Variants in MARCHF1 observed in about 807,000 individuals in gnomAD.
MARCHF1 encodes E3 ubiquitin-protein ligase MARCHF1.
A neutral mutation model predicts 54.2 loss-of-function variants in MARCHF1; 40 were observed. The ratio of observed to expected loss-of-function variants is 0.74; its 90% CI spans 0.57 to 0.96. The LOEUF is 0.96. Among genes scored for constraint, MARCHF1 ranks in the 40% least tolerant of loss-of-function variants. The probability of loss-of-function intolerance (pLI) is 0.00; values close to 1 mark genes in which losing one functional copy is unlikely to be tolerated. For missense variants in MARCHF1, 586 were observed against 656.5 expected (o/e 0.89, Z 1.17); for synonymous variants, 236 against 236.3 (o/e 1.00, Z 0.01).
At position 163,528,731 on chromosome 4, in the gene MARCHF1, A is replaced by C. The variant is rs1027863779; in HGVS notation, c.*17T>G. The stretch of plus-strand genomic sequence containing the variant: ...TAGAAAGATATTCTTCGGTGAAGAA[A>C]CTCCCAACAGGTTCCATCAGACTGA... On this transcript the variant is annotated 3_prime_UTR_variant, in exon 10 of 10. Coordinates refer to ENST00000514618, the MANE Select transcript of MARCHF1 (RefSeq NM_001394959.1). The C allele has an allele frequency of 6.3e-7, 1 of 1,587,688 alleles. No homozygotes were observed. The highest frequency in any genetic ancestry group is 8.6e-7 in the Non-Finnish European group (1 of 1,165,584).
intron 4 of MARCHF1, among the ~76,000 whole-genome samples, chr4:163,801,275 G>A (rs988850882): frequency 5.5e-4 from 84 of 151,686 alleles, no homozygotes; most frequent in African/African-American, 1.8e-3. Flanking sequence ...TAAATTTTCT[G>A]TTTTTAGTCA....
intron 2 of MARCHF1, among the ~76,000 whole-genome samples, chr4:164,043,466 A>T (rs986381215): frequency 2.0e-5 from 3 of 152,158 alleles, no homozygotes; most frequent in African/African-American, 7.2e-5. Flanking sequence ...GCTGTGACAA[A>T]GCAGGAAAAC....
chr4:163,657,098 T>C (rs565612452), intron 5 of MARCHF1, among the ~76,000 whole-genome samples: 2 of 152,012 alleles, frequency 1.3e-5, no homozygotes, highest in African/African-American at 4.8e-5. Context: ...GGTATTCAAA[T>C]AGGAAGAGAG....
At chr4:163,733,513 G>T (rs976798992) in intron 4 of MARCHF1, among the ~76,000 whole-genome samples, 1 of 149,570 alleles carries the variant, frequency 6.7e-6, no homozygotes, top group African/African-American at 2.5e-5. Context: ...GTGCAGGTTT[G>T]TTACATATGT....
chr4:163,558,852 T>G (rs1054851784), intron 8 of MARCHF1, among the ~76,000 whole-genome samples: 29 of 152,198 alleles, frequency 1.9e-4, no homozygotes, highest in African/African-American at 6.3e-4. Context: ...TGTCTTACAG[T>G]GGGTCTTATT....
intron 1 of MARCHF1, among the ~76,000 whole-genome samples, chr4:164,220,185 T>C (rs1447670146): frequency 1.3e-5 from 2 of 150,588 alleles, no homozygotes; most frequent in Non-Finnish European, 3.0e-5. Flanking sequence ...TTTACATATA[T>C]ATATTTCCAT....
At chr4:163,637,598 T>G (rs1338517018) in intron 5 of MARCHF1, among the ~76,000 whole-genome samples, 74 of 150,044 alleles carry the variant, frequency 4.9e-4, no homozygotes, top group African/African-American at 1.5e-3. Flanking sequence ...AAACAACAGG[T>G]GCTGGAGAGG....
intron 2 of MARCHF1, among the ~76,000 whole-genome samples, chr4:164,034,985 A>G (rs1237912578): frequency 6.6e-6 from 1 of 152,178 alleles, no homozygotes; most frequent in Non-Finnish European, 1.5e-5. Flanking sequence ...TTATAAATTG[A>G]CTTCCACACA....
chr4:163,625,863 C>T (rs1741852940), intron 5 of MARCHF1, among the ~76,000 whole-genome samples: 1 of 152,106 alleles, frequency 6.6e-6, no homozygotes, highest in Non-Finnish European at 1.5e-5. Context: ...AAAAAGAAAA[C>T]ACTGTAATTG....
intron 4 of MARCHF1, among the ~76,000 whole-genome samples, chr4:163,710,022 A>G (rs1745061097): frequency 6.6e-6 from 1 of 152,208 alleles, no homozygotes; most frequent in Non-Finnish European, 1.5e-5. Flanking sequence ...AATTTTCTAC[A>G]AACACTCCAA....
At chr4:163,863,802 G>C (rs1208146477) in intron 3 of MARCHF1, among the ~76,000 whole-genome samples, 1 of 151,906 alleles carries the variant, frequency 6.6e-6, no homozygotes, top group Non-Finnish European at 1.5e-5. Flanking sequence ...AGATGAGCCT[G>C]GAGAAACTTG....
chr4:163,990,852 G>A (rs2110892086), intron 2 of MARCHF1, among the ~76,000 whole-genome samples: 1 of 152,242 alleles, frequency 6.6e-6, no homozygotes, highest in Middle Eastern at 3.4e-3. Flanking sequence ...TCCATGAAAT[G>A]TCCTCTGAAA....
At chr4:163,925,413 T>C (rs1313780685) in intron 3 of MARCHF1, among the ~76,000 whole-genome samples, 1 of 151,840 alleles carries the variant, frequency 6.6e-6, no homozygotes, top group East Asian at 1.9e-4. Context: ...GCTCTCTACT[T>C]AGTGTCTCTA....
chr4:163,558,511 G>T (rs1446903766), intron 8 of MARCHF1, among the ~76,000 whole-genome samples: 1 of 152,024 alleles, frequency 6.6e-6, no homozygotes, highest in African/African-American at 2.4e-5. Context: ...TGAAGTGACT[G>T]GATTTAGGGA....
chr4:163,581,530 G>A (rs10155200), intron 8 of MARCHF1, among the ~76,000 whole-genome samples: 47 of 152,194 alleles, frequency 3.1e-4, no homozygotes, highest in African/African-American at 1.0e-3. Context: ...TAAGACATCC[G>A]GATCATCAAA....
intron 4 of MARCHF1, among the ~76,000 whole-genome samples, chr4:163,809,994 T>C (rs886144923): frequency 7.9e-5 from 12 of 152,062 alleles, no homozygotes; most frequent in African/African-American, 2.9e-4. Flanking sequence ...ATGGTGCCAT[T>C]TGAAAAGTTC....
intron 4 of MARCHF1, among the ~76,000 whole-genome samples, chr4:163,704,409 A>G (rs1184215844): frequency 6.6e-6 from 1 of 151,910 alleles, no homozygotes; most frequent in Admixed American, 6.6e-5. Flanking sequence ...CTGCAATAAA[A>G]TTTGATTAAA....
intron 8 of MARCHF1, chr4:163,584,782 G>A (rs1740352423): frequency 6.6e-6 from 1 of 152,092 alleles, no homozygotes; most frequent in Non-Finnish European, 1.5e-5. Flanking sequence ...TGCTCATTCT[G>A]GAACTCGTTG....
intron 1 of MARCHF1, among the ~76,000 whole-genome samples, chr4:164,133,561 G>C (rs569455875): frequency 5.9e-5 from 9 of 152,124 alleles, no homozygotes; most frequent in South Asian, 4.1e-4. Flanking sequence ...GTGCAACAGA[G>C]AATGAAATCT....
Sources: gnomAD v4.1 joint callset for allele counts (sites outside exome capture counted in the v4.1 genomes callset) on GRCh38, gnomAD v4.1.1 for gene constraint, MANE v1.5 for transcripts, NCBI Gene and HGNC (gene_info 2026-07-23, HGNC 2026-07-21) for gene names.